Variants in CSMD1 observed in about 807,000 individuals in gnomAD.
CSMD1 encodes the protein CUB and Sushi multiple domains 1.
In CSMD1, 213 loss-of-function variants were observed where a neutral mutation model predicts 417.5. That is an observed-to-expected ratio of 0.51 (90% CI 0.46 to 0.57). CSMD1 has a LOEUF of 0.57. CSMD1 is among the 20% of genes least tolerant of loss of function. CSMD1 has a pLI of 0.00. For missense variants in CSMD1, 6,923 were observed against 4,529.7 expected, an observed-to-expected ratio of 1.53 and a Z score of -15.17; for synonymous variants, 2,862 against 1,736.8, an observed-to-expected ratio of 1.65 and a Z score of -16.11.
In CSMD1 at chr8:3,408,200, T is replaced by C; in HGVS notation, c.1770A>G (p.Ala590=). 1.9e-6 allele frequency: 3 copies of C among 1,606,960 alleles called. No individual in the cohort carries two copies. The highest frequency in any genetic ancestry group is 2.6e-6 in the Non-Finnish European group (3 of 1,175,518). Residue 590 remains alanine, a synonymous_variant, in exon 14 of 70, where the codon GCA becomes GCG. Transcript: ENST00000635120. The stretch of plus-strand genomic sequence containing the variant: ...TTGGTGACAGAATAATCCCAGATGA[T>C]GCCGTAAAGTTGAAGAAACATGAAA... ...CVFSCFFNFT[A]SSGIILSPNY... is the part of the protein sequence containing the mutation.
intron 3 of CSMD1, among the ~76,000 whole-genome samples, chr8:4,168,945 T>C (rs534679957): frequency 5.9e-5 from 9 of 152,282 alleles, no homozygotes; most frequent in African/African-American, 2.2e-4. Flanking sequence ...GCCTTTGAGG[T>C]ACCTGATCAT....
rs909807823 is a variant in CSMD1, at chr8:4,176,362, A to G, written c.416-144263T>C. Among the ~76,000 whole-genome samples, 5 of 152,102 alleles carry G rather than the reference A, an allele frequency of 3.3e-5. No homozygotes were observed. The South Asian group carries it at 6.2e-4, about 19-fold the overall frequency. Reference sequence around the variant, plus strand: ...AAATTGAAAATAAATTAGTATGACAACAATCTACACTCTTAAGCCTCTTAT... The same window carrying G: ...AAATTGAAAATAAATTAGTATGACAGCAATCTACACTCTTAAGCCTCTTAT... On this transcript the variant is annotated intron_variant, in intron 3 of 69. Coordinates refer to ENST00000635120, the MANE Select transcript of CSMD1 (RefSeq NM_033225.6).
At chr8:4,288,462 T>C (rs746857829) in intron 3 of CSMD1, among the ~76,000 whole-genome samples, 5 of 152,204 alleles carry the variant, frequency 3.3e-5, no homozygotes, top group South Asian at 4.1e-4. Flanking sequence ...ATTTCTCCTG[T>C]ACTGCTGACG....
At chr8:3,672,074 C>T (rs73183307) in intron 7 of CSMD1, among the ~76,000 whole-genome samples, 1 of 152,064 alleles carries the variant, frequency 6.6e-6, no homozygotes, top group Non-Finnish European at 1.5e-5. Context: ...ATCTTACTTT[C>T]AAAGTGTATC....
chr8:3,927,612 C>T (rs1366453807), intron 5 of CSMD1, among the ~76,000 whole-genome samples: 5 of 149,544 alleles, frequency 3.3e-5, no homozygotes, highest in Middle Eastern at 3.5e-3. Context: ...TTGCAGTGAG[C>T]CGACATCACG....
chr8:4,138,733 G>A (rs566528146), intron 3 of CSMD1, among the ~76,000 whole-genome samples: 4 of 152,216 alleles, frequency 2.6e-5, no homozygotes, highest in South Asian at 4.1e-4. Context: ...AATTTAACTA[G>A]AGGAAAAATA....
intron 10 of CSMD1, among the ~76,000 whole-genome samples, chr8:3,534,458 C>A (rs1381158515): frequency 6.7e-6 from 1 of 149,312 alleles, no homozygotes; most frequent in Non-Finnish European, 1.5e-5. Context: ...GTGAGGATCA[C>A]ACTTATGACA....
intron 35 of CSMD1, among the ~76,000 whole-genome samples, chr8:3,188,573 C>T (rs1462513215): frequency 1.3e-4 from 19 of 151,942 alleles, no homozygotes. Flanking sequence ...TCCCAAAGTG[C>T]TGGGACTACA....
At chr8:3,614,928 G>C (rs1229116874) in intron 8 of CSMD1, among the ~76,000 whole-genome samples, 1 of 151,372 alleles carries the variant, frequency 6.6e-6, no homozygotes, top group Non-Finnish European at 1.5e-5. Flanking sequence ...GCAGGAAGAA[G>C]ATTTTTCCTC....
chr8:4,857,976 G>C (rs1801900172), intron 1 of CSMD1, among the ~76,000 whole-genome samples: 1 of 152,040 alleles, frequency 6.6e-6, no homozygotes, highest in Non-Finnish European at 1.5e-5. Context: ...GAGAATTTTA[G>C]ACCAATATCT....
intron 2 of CSMD1, among the ~76,000 whole-genome samples, chr8:4,426,747 G>C (rs953333792): frequency 2.0e-5 from 3 of 146,400 alleles, no homozygotes; most frequent in African/African-American, 7.5e-5. Flanking sequence ...ATACAATATA[G>C]TAATATAGTA....
intron 3 of CSMD1, among the ~76,000 whole-genome samples, chr8:4,308,981 A>C (rs1798408331): frequency 6.6e-6 from 1 of 152,196 alleles, no homozygotes; most frequent in African/African-American, 2.4e-5. Context: ...CATAATGTTG[A>C]ACTAATTCCT....
rs552993437 is a variant in CSMD1, at chr8:2,967,176, A to G, written c.8924-430T>C. On this transcript the variant is annotated intron_variant, in intron 57 of 69. Transcript: ENST00000635120. ...GCATCTTCCTTTATGTAATCACTGT[A>G]TTTTTTTAAAATCTAGGCAATTCAG... Among the ~76,000 whole-genome samples the G allele has an allele frequency of 7.2e-5, 11 of 152,264 alleles. No individual in the cohort carries two copies. In the South Asian group the frequency reaches 2.1e-3, roughly 29 times the overall value.
chr8:3,321,257 G>A (rs1403647881), intron 23 of CSMD1, among the ~76,000 whole-genome samples: 2 of 152,210 alleles, frequency 1.3e-5, no homozygotes, highest in Admixed American at 6.5e-5. Context: ...AGACACCATG[G>A]TGAGTATTCA....
chr8:4,038,925 G>A (rs777067777), intron 3 of CSMD1, among the ~76,000 whole-genome samples: 1 of 152,096 alleles, frequency 6.6e-6, no homozygotes, highest in Non-Finnish European at 1.5e-5. Context: ...ACTTAATTTG[G>A]CAAGTACATA....
At chr8:3,864,516 G>A (rs573923690) in intron 5 of CSMD1, among the ~76,000 whole-genome samples, 9 of 152,270 alleles carry the variant, frequency 5.9e-5, no homozygotes, top group Non-Finnish European at 1.3e-4. Flanking sequence ...TGTGCACAAC[G>A]TGCAGGTTTG....
chr8:4,540,558 G>T (rs1054903705), intron 2 of CSMD1, among the ~76,000 whole-genome samples: 8 of 152,166 alleles, frequency 5.3e-5, no homozygotes, highest in Middle Eastern at 6.8e-3. Context: ...GGATGGGAAA[G>T]AAATGAAAAC....
At chr8:4,581,661 T>C (rs1799423696) in intron 2 of CSMD1, among the ~76,000 whole-genome samples, 1 of 152,218 alleles carries the variant, frequency 6.6e-6, no homozygotes, top group Admixed American at 6.5e-5. Flanking sequence ...GGGAGTTCAT[T>C]TGAATCTGTC....
chr8:3,461,537 G>A (rs1038449212), intron 12 of CSMD1, among the ~76,000 whole-genome samples: 1 of 152,164 alleles, frequency 6.6e-6, no homozygotes, highest in African/African-American at 2.4e-5. Flanking sequence ...TCTCAAATTA[G>A]GCAATGTGGT....
Sources: allele counts gnomAD v4.1 joint callset (sites outside exome capture counted in the v4.1 genomes callset), GRCh38; gene constraint gnomAD v4.1.1; transcripts MANE v1.5; gene names NCBI Gene and HGNC (gene_info 2026-07-23, HGNC 2026-07-21).